GOLGA2: variants seen among roughly 807,000 people sequenced by gnomAD.
The protein encoded by GOLGA2 is golgin A2, also known as golgin subfamily A member 2.
Under a neutral mutation model 148.8 loss-of-function variants are expected in GOLGA2, and 49 were observed. The ratio of observed to expected loss-of-function variants is 0.33; its 90% confidence interval spans 0.26 to 0.42. GOLGA2 has a LOEUF of 0.42. Ranked by LOEUF, GOLGA2 falls within the 10% of genes least tolerant of loss-of-function variation. The probability of loss-of-function intolerance (pLI) is 1.00; values close to 1 mark genes in which losing one functional copy is unlikely to be tolerated. For synonymous variants in GOLGA2, 501 were observed against 511.8 expected, an observed-to-expected ratio of 0.98 and a Z score of 0.28; for missense variants, 1,178 against 1,304.6, an observed-to-expected ratio of 0.90 and a Z score of 1.49.
chr9:128,263,205 C>T, intron 12 of GOLGA2, 113 bp from the exon 13 acceptor site: 1 of 741,054 alleles, frequency 1.3e-6, no homozygotes, highest in Admixed American at 1.8e-5. Flanking sequence ...CTCTCAATCA[C>T]ACTTGACATG....
Position 128,272,823 on chromosome 9 carries a change from A to G in GOLGA2, c.250T>C (p.Ser84Pro), listed in dbSNP as rs1588493032. ...AATGGGGGGAGCGCTACCCCATTGG[A>G]ACGGTTAAGGTCGGACACCAGCACC... ...LKVLVSDLNR[S>P]NGVALPPLDK... Residue 84 changes from serine to proline, a missense_variant, in exon 3 of 27, where the codon TCC becomes CCC. Ser to Pro is a moderately conservative substitution (Grantham distance 74, BLOSUM62 -1). This residue lies in a region of GOLGA2 where 158 missense variants were observed against 156.6 expected (regional missense o/e 1.01). Coordinates refer to ENST00000611957, the MANE Select transcript of GOLGA2 (RefSeq NM_001366244.2). 2 of 1,282,422 alleles carry G rather than the reference A, an allele frequency of 1.6e-6. No homozygotes were observed. The highest frequency in any genetic ancestry group is 2.3e-5 in the Admixed American group (1 of 43,226). 79.4% of individuals were successfully genotyped at this position (1,282,422 alleles called of 1,614,324 possible).
At chr9:128,262,953 C>T in intron 13 of GOLGA2, 81 bp downstream of exon 13, 1 of 992,770 alleles carries the variant, frequency 1.0e-6, no homozygotes, top group Non-Finnish European at 1.6e-6. Context: ...CCTCATCATG[C>T]TTACCTGTAC....
intron 1 of GOLGA2, chr9:128,275,574 T>TG: frequency 8.9e-7 from 1 of 1,123,902 alleles, no homozygotes; most frequent in Non-Finnish European, 1.2e-6. Context: ...GCTGAATTGC[T>TG]GGGGTCCTAG....
Position 128,257,560 on chromosome 9 carries a change from C to T in GOLGA2, c.2719-35G>A, listed in dbSNP as rs766834006. ...GGGGTGCTAAGCTGCCATGCCCATG[C>T]CCGTGCCCACCTCCACCCCCAGAGA... On this transcript the variant is annotated intron_variant, in intron 25 of 26. Coordinates refer to ENST00000611957, the MANE Select transcript of GOLGA2 (RefSeq NM_001366244.2). This position sits in a 1 kb window ranked among gnomAD's most constrained non-coding sequence, Gnocchi z 8.0. 1.2e-6 allele frequency: 2 copies of T among 1,614,054 alleles called. No homozygotes were observed. The highest frequency in any genetic ancestry group is 2.2e-5 in the South Asian group (2 of 91,080).
In GOLGA2 at chr9:128,273,835, C is replaced by A. The variant is rs1251445383; in HGVS notation, c.207+15G>T. 6.2e-7 allele frequency: 1 copy of A among 1,613,438 alleles called. No homozygotes were observed. Among genetic ancestry groups the A allele is most frequent in the African/African-American group, 1.3e-5 (1 of 74,872 alleles). On this transcript the variant is annotated intron_variant, in intron 2 of 26. Coordinates refer to ENST00000611957, the MANE Select transcript of GOLGA2 (RefSeq NM_001366244.2). Reference sequence around the variant, plus strand: ...GGGCCCCCTGTCCCCAGGAGCCTGGCCATCCAAGACTCACATCCTCAGGTG... The same window carrying A: ...GGGCCCCCTGTCCCCAGGAGCCTGGACATCCAAGACTCACATCCTCAGGTG...
chr9:128,258,425 C>A lies in GOLGA2; in HGVS notation c.2289+30G>T, dbSNP rs760777333. 3 of 1,584,492 alleles carry A rather than the reference C, an allele frequency of 1.9e-6. No homozygotes were observed. The highest frequency in any genetic ancestry group is 2.6e-6 in the Non-Finnish European group (3 of 1,153,864). On this transcript the variant is annotated intron_variant, in intron 22 of 26. Transcript: ENST00000611957. The surrounding 1 kb of genome is among the most constrained non-coding windows in gnomAD (Gnocchi z 6.6). ...TGGGAGGGACCACAGAGGGAGGCAGCAAAGGTTGGGGAGGGGGAGTCAGCC... is the reference window on the plus strand; with the variant it reads ...TGGGAGGGACCACAGAGGGAGGCAGAAAAGGTTGGGGAGGGGGAGTCAGCC...
chr9:128,258,246 C>CGG lies in GOLGA2; in HGVS notation c.2290-49_2290-48insCC, dbSNP rs774050864. 7.0e-7 allele frequency: 1 copy of CGG among 1,433,570 alleles called. No homozygotes were observed. The highest frequency in any genetic ancestry group is 9.6e-7 in the Non-Finnish European group (1 of 1,046,282). The allele number at this position is 1,433,570 out of a possible 1,614,324, so 88.8% of individuals were successfully genotyped here. ...CTTGTAGGAGGATATATAGGATGAACAGGGCAGGGAGGTAGAGAGCAGCCC... is the reference window on the plus strand; with the variant it reads ...CTTGTAGGAGGATATATAGGATGAACGGAGGGCAGGGAGGTAGAGAGCAGCCC... On this transcript the variant is annotated intron_variant, in intron 22 of 26. Coordinates refer to ENST00000611957, the MANE Select transcript of GOLGA2 (RefSeq NM_001366244.2). This position sits in a 1 kb window ranked among gnomAD's most constrained non-coding sequence, Gnocchi z 6.6.
chr9:128,268,347 C>T (rs1830724984), intron 4 of GOLGA2, 73 bp downstream of exon 4: 1 of 1,067,802 alleles, frequency 9.4e-7, no homozygotes, highest in Admixed American at 1.7e-5. Flanking sequence ...AGGGAACAAG[C>T]TGCCTGTGAA....
chr9:128,271,446 C>G lies in GOLGA2; in HGVS notation c.288+1339G>C, dbSNP rs1004975745. 6.6e-6 allele frequency among the ~76,000 whole-genome samples: 1 copy of G among 152,180 alleles called. No homozygotes were observed. Among genetic ancestry groups the G allele is most frequent in the Non-Finnish European group, 1.5e-5 (1 of 68,020 alleles). On this transcript the variant is annotated intron_variant, in intron 3 of 26. Transcript: ENST00000611957. This position sits in a 1 kb window ranked among gnomAD's most constrained non-coding sequence, Gnocchi z 4.4. Reference sequence around the variant, plus strand: ...CCTCTGGCTTGGCAGGAAGGAGTCCCCCAGGTGAGTTAGAGATGGAAGAAA... The same window carrying G: ...CCTCTGGCTTGGCAGGAAGGAGTCCGCCAGGTGAGTTAGAGATGGAAGAAA...
rs899306565 is a variant in GOLGA2, at chr9:128,260,276, G to A, written c.1759-87C>T. 2.8e-5 allele frequency: 34 copies of A among 1,236,018 alleles called. 1 individual carries two copies. The highest frequency in any genetic ancestry group is 8.8e-5 in the African/African-American group (6 of 67,844). The allele number at this position is 1,236,018 out of a possible 1,614,324, so 76.6% of individuals were successfully genotyped here. On this transcript the variant is annotated intron_variant, in intron 18 of 26. Transcript: ENST00000611957. The surrounding 1 kb of genome is among the most constrained non-coding windows in gnomAD (Gnocchi z 4.8). ...CTTGGTGTCTGCCTCCCATGGCACC[G>A]GGAAGGGTGGAGGCAGGTTAGAAAA... is the stretch of plus-strand genomic sequence containing the variant.
intron 5 of GOLGA2, 43 bp from the exon 6 acceptor site, chr9:128,268,040 T>G: frequency 6.2e-7 from 1 of 1,606,096 alleles, no homozygotes; most frequent in Non-Finnish European, 8.5e-7. Context: ...GGTGGCTCAA[T>G]GGGAAAGAAG....
rs765606611 is a variant in GOLGA2 at position 128,260,479 on chromosome 9, C to T, written c.1744G>A (p.Gly582Arg). The T allele has an allele frequency of 7.5e-6, 12 of 1,609,982 alleles. No homozygotes were observed. The highest frequency in any genetic ancestry group is 1.6e-4 in the Middle Eastern group (1 of 6,076). The change falls in exon 18 of 27, where the codon GGA becomes AGA. Residue 582 changes from glycine (G) to arginine (R), a missense_variant. Coordinates refer to ENST00000611957, the MANE Select transcript of GOLGA2 (RefSeq NM_001366244.2). The surrounding 1 kb of genome is among the most constrained non-coding windows in gnomAD (Gnocchi z 4.8). Reference sequence around the variant, plus strand: ...GGGCAGCGCACCAGCTTTACAAATCCGCTCTGCAGCTCAGCCAGCTGCTCC... The same window carrying T: ...GGGCAGCGCACCAGCTTTACAAATCTGCTCTGCAGCTCAGCCAGCTGCTCC... The part of the protein sequence containing the change: ...LKEQLAELQS[G>R]FVKLTNENME...
intron 4 of GOLGA2, 60 bp downstream of exon 4, chr9:128,268,357 AAGG>A (rs2131373294): frequency 9.2e-7 from 1 of 1,090,382 alleles, no homozygotes; most frequent in East Asian, 2.4e-5. Context: ...CTGCCTGTGA[AAGG>A]AGAAGATAAT....
At chr9:128,259,426 G>A (rs1350522082) in intron 19 of GOLGA2, 35 bp from the exon 20 acceptor site, 1 of 1,363,424 alleles carries the variant, frequency 7.3e-7, no homozygotes, top group South Asian at 1.3e-5. Flanking sequence ...GGCAGGTGGT[G>A]GCCTGCTTCC....
intron 3 of GOLGA2, among the ~76,000 whole-genome samples, chr9:128,272,489 A>G (rs1831015734): frequency 6.6e-6 from 1 of 152,032 alleles, no homozygotes; most frequent in Non-Finnish European, 1.5e-5. Context: ...TGAAAAAAAA[A>G]GAAGAAAAAA....
In GOLGA2 at chr9:128,260,570, G is replaced by T; in HGVS notation, c.1653C>A (p.Ile551=). Residue 551 remains isoleucine, a synonymous_variant, in exon 18 of 27, where the codon ATC becomes ATA. Transcript: ENST00000611957. This position sits in a 1 kb window ranked among gnomAD's most constrained non-coding sequence, Gnocchi z 4.8. ...WGEQAEARRQ[I]LETMQNDRTT... ...TGCGGTCGTTCTGCATGGTCTCCAG[G>T]ATTTGCCTGCGCGCCTCCGCCTGCT... The T allele has an allele frequency of 5.6e-6, 9 of 1,612,442 alleles. No individual in the cohort carries two copies. Among genetic ancestry groups the T allele is most frequent in the Non-Finnish European group, 6.8e-6 (8 of 1,179,994 alleles).
At position 128,258,734 on chromosome 9, in the gene GOLGA2, G is replaced by A. The variant is rs936820859; in HGVS notation, c.2174-164C>T. On this transcript the variant is annotated intron_variant, in intron 21 of 26. Transcript: ENST00000611957. The surrounding 1 kb of genome is among the most constrained non-coding windows in gnomAD (Gnocchi z 6.6). ...ATTCTTTTTTAAGAGCCAAGGGCTCGCTATGCTGCCCAGGTGCAGTCCCAC... is the reference window on the plus strand; with the variant it reads ...ATTCTTTTTTAAGAGCCAAGGGCTCACTATGCTGCCCAGGTGCAGTCCCAC... 15 of 630,020 alleles carry A rather than the reference G, an allele frequency of 2.4e-5. No individual in the cohort carries two copies. Among genetic ancestry groups the A allele is most frequent in the South Asian group, 1.6e-4 (8 of 49,884 alleles). 39.0% of individuals were successfully genotyped at this position (630,020 alleles called of 1,614,324 possible). A position where few individuals can be genotyped will look rare whatever the true frequency, so the allele number is the denominator to read the frequency against.
chr9:128,261,879 T>C lies in GOLGA2; in HGVS notation c.1135-122A>G, dbSNP rs1414141105. The C allele has an allele frequency of 3.1e-6, 2 of 647,514 alleles. No homozygotes were observed. The highest frequency in any genetic ancestry group is 5.6e-6 in the Non-Finnish European group (2 of 357,500). 40.1% of individuals were successfully genotyped at this position (647,514 alleles called of 1,614,324 possible). ...CAGTCAATACAACTCTGCTGTCAAG[T>C]TTCTTTGCTTTAGAAATAAAAAATA... On this transcript the variant is annotated intron_variant, in intron 14 of 26. Transcript: ENST00000611957. The surrounding 1 kb of genome is among the most constrained non-coding windows in gnomAD (Gnocchi z 5.7).
intron 3 of GOLGA2, among the ~76,000 whole-genome samples, chr9:128,268,784 C>G (rs1019474351): frequency 4.6e-5 from 7 of 152,204 alleles, no homozygotes; most frequent in Non-Finnish European, 8.8e-5. Context: ...TGGAGCTCAG[C>G]AAAAGACAGC....
Sources: allele counts gnomAD v4.1 joint callset (sites outside exome capture counted in the v4.1 genomes callset), GRCh38; gene constraint gnomAD v4.1.1; regional missense constraint gnomAD v4.1.1; non-coding constraint Gnocchi (gnomAD v3.1); transcripts MANE v1.5; gene names NCBI Gene and HGNC (gene_info 2026-07-23, HGNC 2026-07-21).